ALG5: variants seen among roughly 807,000 people sequenced by gnomAD.
ALG5 encodes dolichyl-phosphate beta-glucosyltransferase.
A neutral mutation model predicts 51.8 loss-of-function variants in ALG5; 26 were observed. The observed-to-expected ratio is 0.50, with a 90% CI of 0.37 to 0.70. The LOEUF (loss-of-function observed/expected upper bound fraction) is 0.70, where lower values mean the gene tolerates loss of function less well. Among genes scored for constraint, ALG5 ranks in the 30% least tolerant of loss-of-function variants. The probability of loss-of-function intolerance (pLI) is 0.00; values close to 1 mark genes in which losing one functional copy is unlikely to be tolerated. For synonymous variants in ALG5, 141 were observed against 136.1 expected (o/e 1.04, Z -0.25); for missense variants, 311 against 399.3 (o/e 0.78, Z 1.88).
At chr13:36,963,619 A>G (rs1421053111) in intron 8 of ALG5, among the ~76,000 whole-genome samples, 1 of 152,222 alleles carries the variant, frequency 6.6e-6, no homozygotes, top group African/African-American at 2.4e-5. Flanking sequence ...TTTTCAACAT[A>G]ATAAAAACAC....
In ALG5 at chr13:36,952,594, A is replaced by G. The variant is rs767224563; in HGVS notation, c.779T>C (p.Phe260Ser). 8 of 1,549,862 alleles carry G rather than the reference A, an allele frequency of 5.2e-6. No homozygotes were observed. Among genetic ancestry groups the G allele is most frequent in the Non-Finnish European group, 6.1e-6 (7 of 1,149,340 alleles). Residue 260 changes from phenylalanine (F) to serine (S), a missense_variant, in exon 9 of 10, where the codon TTT (phenylalanine) becomes TCT (serine). Transcript: ENST00000239891. ...TGCTATGTACAGTAGTTCTACATCA[A>G]ATGCCCTAAAATAGAAAATATATTG... ...FSSLHVERWA[F>S]DVELLYIAQF... is the part of the protein sequence containing the mutation.
At chr13:36,953,961 T>C (rs576175190) in intron 8 of ALG5, among the ~76,000 whole-genome samples, 6 of 152,144 alleles carry the variant, frequency 3.9e-5, no homozygotes, top group Non-Finnish European at 7.3e-5. Context: ...AAGATTATTA[T>C]ATATTATTTC....
intron 7 of ALG5, among the ~76,000 whole-genome samples, chr13:36,971,642 C>A (rs2058923739): frequency 1.2e-5 from 1 of 84,184 alleles, no homozygotes. Context: ...GAGGGAGACT[C>A]CGTCTCCAAA....
intron 6 of ALG5, among the ~76,000 whole-genome samples, chr13:36,985,076 G>C (rs535336509): frequency 1.3e-5 from 2 of 151,714 alleles, no homozygotes; most frequent in South Asian, 4.2e-4. Flanking sequence ...AGATTGGGAA[G>C]TATTTGGCAA....
Position 36,995,946 on chromosome 13 carries a change from G to A in ALG5, c.67-350C>T, listed in dbSNP as rs189747200. On this transcript the variant is annotated intron_variant, in intron 1 of 9. Coordinates refer to ENST00000239891, the MANE Select transcript of ALG5 (RefSeq NM_013338.5). The stretch of plus-strand genomic sequence containing the variant: ...GTGCCCTAAAACCCTGATCCTTAGC[G>A]TGTCTACATGCATAGAGACACACAC... 2.2e-3 allele frequency among the ~76,000 whole-genome samples: 333 copies of A among 152,166 alleles called. 2 individuals carry two copies. The highest frequency in any genetic ancestry group is 7.8e-3 in the African/African-American group (323 of 41,512).
At chr13:36,950,113 G>T (rs1224249152) in intron 9 of ALG5, 56 bp from the exon 10 acceptor site, 1 of 1,161,412 alleles carries the variant, frequency 8.6e-7, no homozygotes. Context: ...AGCAGAAAAC[G>T]TATCAGTTTA....
chr13:36,978,249 A>G (rs9576148), intron 6 of ALG5, among the ~76,000 whole-genome samples: 133,211 of 147,360 alleles, frequency 0.9, 60,365 homozygotes, highest in East Asian at 1. Context: ...GTGCAGTGGC[A>G]CAATCTCAGC....
chr13:36,967,008 A>C (rs1304039649), intron 7 of ALG5, among the ~76,000 whole-genome samples: 1 of 152,050 alleles, frequency 6.6e-6, no homozygotes. Flanking sequence ...GGATTGCTTG[A>C]GGTCAGGGGT....
At chr13:36,964,675 C>T (rs181456588) in intron 8 of ALG5, among the ~76,000 whole-genome samples, 23 of 152,158 alleles carry the variant, frequency 1.5e-4, no homozygotes, top group African/African-American at 4.3e-4. Flanking sequence ...CAGTGGCTCA[C>T]GTCTGTAATC....
chr13:36,960,666 C>T (rs1387651418), intron 8 of ALG5, among the ~76,000 whole-genome samples: 1 of 150,690 alleles, frequency 6.6e-6, no homozygotes, highest in Non-Finnish European at 1.5e-5. Context: ...GCATGTGCCA[C>T]CACGCCTAGC....
At position 36,995,422 on chromosome 13, in the gene ALG5, T is replaced by C; in HGVS notation, c.238+3A>G. On this transcript the variant is annotated splice_donor_region_variant and intron_variant, in intron 2 of 9. Transcript: ENST00000239891. ...TTACCAAAAAAATCAAAACAGGGCT[T>C]ACACCGTTTTTCTTCATTGTATGAA... 2 of 1,606,800 alleles carry C rather than the reference T, an allele frequency of 1.2e-6. No individual in the cohort carries two copies. The highest frequency in any genetic ancestry group is 1.7e-6 in the Non-Finnish European group (2 of 1,178,250).
chr13:36,998,604 C>G (rs1202857782), intron 1 of ALG5, among the ~76,000 whole-genome samples: 1 of 152,196 alleles, frequency 6.6e-6, no homozygotes, highest in Non-Finnish European at 1.5e-5. Context: ...TGCATTCTAT[C>G]GTCCTGCCTT....
At chr13:36,981,233 T>TA (rs931623205) in intron 6 of ALG5, among the ~76,000 whole-genome samples, 26 of 150,550 alleles carry the variant, frequency 1.7e-4, no homozygotes, top group African/African-American at 4.4e-4. Context: ...TTGTAGTCAT[T>TA]AAAAAAAAAT....
chr13:36,988,659 C>T lies in ALG5; in HGVS notation c.447+825G>A, dbSNP rs530691461. Among the ~76,000 whole-genome samples the T allele has an allele frequency of 3.9e-5, 6 of 152,330 alleles. No individual in the cohort carries two copies. The South Asian group carries it at 1.2e-3, about 32-fold the overall frequency. On this transcript the variant is annotated intron_variant, in intron 5 of 9. Coordinates refer to ENST00000239891, the MANE Select transcript of ALG5 (RefSeq NM_013338.5). ...TAATAATCAAACTAATATTACCCAA[C>T]TCATAAGACACTGTGAAGAGGGCAA...
chr13:36,997,292 G>A (rs1231584780), intron 1 of ALG5, among the ~76,000 whole-genome samples: 1 of 151,916 alleles, frequency 6.6e-6, no homozygotes, highest in Non-Finnish European at 1.5e-5. Flanking sequence ...GGCCAACATG[G>A]CGAAACCCCA....
At chr13:36,989,052 A>G (rs2059014326) in intron 5 of ALG5, among the ~76,000 whole-genome samples, 1 of 152,152 alleles carries the variant, frequency 6.6e-6, no homozygotes, top group Non-Finnish European at 1.5e-5. Flanking sequence ...TTTTTTACTT[A>G]TGCAAATGCT....
chr13:36,999,306 A>G lies in ALG5; in HGVS notation c.-6T>C, dbSNP rs374355673. The G allele has an allele frequency of 2.2e-5, 35 of 1,569,866 alleles. No individual in the cohort carries two copies. Among genetic ancestry groups the G allele is most frequent in the South Asian group, 1.8e-4 (16 of 86,624 alleles). ...TGCAACAGAAGCGGAGCCATTCTCC[A>G]TGCCGTGGCAGCCCGCCCAATCCCG... On this transcript the variant is annotated 5_prime_UTR_variant, in exon 1 of 10. The change abolishes an upstream ATG in the 5' untranslated region. Transcript: ENST00000239891.
At chr13:36,964,149 T>A (rs2058881121) in intron 8 of ALG5, among the ~76,000 whole-genome samples, 1 of 152,118 alleles carries the variant, frequency 6.6e-6, no homozygotes, top group Non-Finnish European at 1.5e-5. Context: ...TTATATTATC[T>A]TTAGAGAGTG....
intron 7 of ALG5, 134 bp from the exon 8 acceptor site, chr13:36,965,860 A>G: frequency 1.4e-6 from 1 of 703,318 alleles, no homozygotes. Flanking sequence ...CCACTGTTCC[A>G]TGAGCTTCAC....
Sources: allele counts gnomAD v4.1 joint callset (sites outside exome capture counted in the v4.1 genomes callset), GRCh38; gene constraint gnomAD v4.1.1; transcripts MANE v1.5; gene names NCBI Gene and HGNC (gene_info 2026-07-23, HGNC 2026-07-21).